The following IL4R variants were observed in gnomAD, a reference collection of about 807,000 sequenced individuals.
IL4R encodes interleukin-4 receptor subunit alpha.
IL4R carries 17 observed loss-of-function variants against 41.5 expected under a neutral mutation model. The ratio of observed to expected loss-of-function variants is 0.41; its 90% CI spans 0.28 to 0.61. The LOEUF (loss-of-function observed/expected upper bound fraction) is 0.61. Ranked by LOEUF, IL4R falls within the 20% of genes least tolerant of loss-of-function variation. The pLI is 0.31. For synonymous variants in IL4R, 402 were observed against 422.9 expected (o/e 0.95, Z 0.61); for missense variants, 974 against 1,043.1 (o/e 0.93, Z 0.91).
intron 1 of IL4R, among the ~76,000 whole-genome samples, chr16:27,327,463 G>A (rs1446504600): frequency 1.3e-5 from 2 of 152,120 alleles, no homozygotes; most frequent in Non-Finnish European, 1.5e-5. Flanking sequence ...TCCTGGTGGC[G>A]GGCGTGTTTT....
At position 27,337,925 on chromosome 16, in the gene IL4R, G is replaced by A. The variant is rs536757719; in HGVS notation, c.-18-2261G>A. Among the ~76,000 whole-genome samples, 18 of 150,550 alleles carry A rather than the reference G, an allele frequency of 1.2e-4. No homozygotes were observed. The East Asian group carries it at 1.4e-3, about 11-fold the overall frequency. On this transcript the variant is annotated intron_variant, in intron 2 of 10. Coordinates refer to ENST00000395762, the MANE Select transcript of IL4R (RefSeq NM_000418.4). ...TGGGGAAAAGTACACACTTGACTCC[G>A]TGAGATTCTGCTTCTTAGCATTTTT...
chr16:27,318,290 A>T (rs956353971), intron 1 of IL4R, among the ~76,000 whole-genome samples: 1 of 152,156 alleles, frequency 6.6e-6, no homozygotes, highest in African/African-American at 2.4e-5. Context: ...AGCCTGAGTC[A>T]TCCTGAATTC....
chr16:27,325,693 TA>T, intron 1 of IL4R, among the ~76,000 whole-genome samples: 1 of 152,190 alleles, frequency 6.6e-6, no homozygotes, highest in East Asian at 1.9e-4. Flanking sequence ...GTATACCTGT[TA>T]AAATAAGAAT....
In IL4R at chr16:27,364,678, G is replaced by A. The variant is rs898993527; in HGVS notation, c.*848G>A. The A allele has an allele frequency of 3.3e-5, 5 of 152,222 alleles. No individual in the cohort carries two copies. Among genetic ancestry groups the A allele is most frequent in the African/African-American group, 7.2e-5 (3 of 41,446 alleles). 9.4% of individuals were successfully genotyped at this position (152,222 alleles called of 1,614,324 possible). A position where few individuals can be genotyped will look rare whatever the true frequency, so the allele number is the denominator to read the frequency against. On this transcript the variant is annotated 3_prime_UTR_variant, in exon 11 of 11. Coordinates refer to ENST00000395762, the MANE Select transcript of IL4R (RefSeq NM_000418.4). Reference sequence around the variant, plus strand: ...GGGAACCTTGGGTTGAGTAATGCTCGTCTGTGTGTTTTAGTTTCATCACCT... The same window carrying A: ...GGGAACCTTGGGTTGAGTAATGCTCATCTGTGTGTTTTAGTTTCATCACCT...
At chr16:27,325,935 A>G (rs764953585) in intron 1 of IL4R, among the ~76,000 whole-genome samples, 1 of 152,162 alleles carries the variant, frequency 6.6e-6, no homozygotes, top group African/African-American at 2.4e-5. Flanking sequence ...GAAAAGGCCA[A>G]TGGCTGTGGA....
At chr16:27,344,798 T>C (rs949504759) in intron 4 of IL4R, 71 bp from the exon 5 acceptor site, 4 of 1,464,330 alleles carry the variant, frequency 2.7e-6, no homozygotes, top group South Asian at 1.2e-5. Flanking sequence ...CCTGGAGGCA[T>C]GTCCCGGACA....
intron 1 of IL4R, among the ~76,000 whole-genome samples, chr16:27,326,229 A>G (rs2084952468): frequency 6.6e-6 from 1 of 152,172 alleles, no homozygotes; most frequent in Non-Finnish European, 1.5e-5. Flanking sequence ...CGCTCTGGCA[A>G]CTTCTTCCTT....
rs1467311465 is a variant in IL4R, at chr16:27,362,774, C to T, written c.1422C>T (p.Ser474=). The T allele has an allele frequency of 6.2e-7, 1 of 1,614,088 alleles. No individual in the cohort carries two copies. Among genetic ancestry groups the T allele is most frequent in the East Asian group, 2.2e-5 (1 of 44,876 alleles). Residue 474 remains serine, a synonymous_variant, in exon 11 of 11, where the codon AGC becomes AGT. Transcript: ENST00000395762. The stretch of plus-strand genomic sequence containing the variant: ...ACCTGGAGCCAAGTCCTCCTGCCAG[C>T]CCGACCCAGAGTCCAGACAACCTGA... The part of the protein sequence containing the change: ...PLHLEPSPPA[S]PTQSPDNLTC...
intron 1 of IL4R, chr16:27,318,634 G>C (rs1040061294): frequency 6.6e-6 from 1 of 152,250 alleles, no homozygotes; most frequent in African/African-American, 2.4e-5. Flanking sequence ...TCTCTCTTTA[G>C]GTGCCCCCAC....
At chr16:27,338,428 A>G (rs750491598) in intron 2 of IL4R, among the ~76,000 whole-genome samples, 1 of 151,718 alleles carries the variant, frequency 6.6e-6, no homozygotes, top group Non-Finnish European at 1.5e-5. Context: ...TCTGTTGCCC[A>G]GGCTGGTCTT....
In IL4R at chr16:27,362,802, T is replaced by C. The variant is rs572185551; in HGVS notation, c.1450T>C (p.Cys484Arg). The C allele has an allele frequency of 1.2e-6, 2 of 1,614,064 alleles. No homozygotes were observed. The highest frequency in any genetic ancestry group is 2.7e-5 in the African/African-American group (2 of 75,026). The stretch of plus-strand genomic sequence containing the variant: ...GACCCAGAGTCCAGACAACCTGACT[T>C]GCACAGAGACGCCCCTCGTCATCGC... ...SPTQSPDNLT[C>R]TETPLVIAGN... The change falls in exon 11 of 11, where the codon TGC (cysteine) becomes CGC (arginine). Residue 484 changes from cysteine (C) to arginine (R), a missense_variant. By Grantham distance (180) the Cys-to-Arg change is radical (BLOSUM62 -3). Around this residue, in one of 3 missense-constraint regions of IL4R, gnomAD observed 682 missense variants for 704.3 expected, o/e 0.97. Coordinates refer to ENST00000395762, the MANE Select transcript of IL4R (RefSeq NM_000418.4).
At chr16:27,313,859 ATGCAAATC>A, upstream of IL4R, 1 of 930,274 alleles carries the variant, frequency 1.1e-6, no homozygotes, top group Non-Finnish European at 1.3e-6. Flanking sequence ...GGGGCGGCGC[ATGCAAATC>A]TGCCGGGCGC....
chr16:27,357,611 G>A (rs888633103), intron 8 of IL4R, among the ~76,000 whole-genome samples: 1 of 150,942 alleles, frequency 6.6e-6, no homozygotes, highest in African/African-American at 2.4e-5. Context: ...TTACAGGCGT[G>A]TGCCACGACA....
chr16:27,346,614 C>T lies in IL4R; in HGVS notation c.509C>T (p.Ala170Val). The change falls in exon 6 of 11, where the codon GCA (alanine) becomes GTA (valine). Residue 170 changes from alanine to valine, a missense_variant. Physicochemically the swap from Ala to Val is moderately conservative, Grantham distance 64. This residue lies in a region of IL4R where 284 missense variants were observed against 313.4 expected (regional missense o/e 0.91). Transcript: ENST00000395762. ...AACATTTGGAGTGAAAACGACCCGGCAGATGTGAGTGGGCATGCTTTGACG... is the reference window on the plus strand; with the variant it reads ...AACATTTGGAGTGAAAACGACCCGGTAGATGTGAGTGGGCATGCTTTGACG... ...AVNIWSENDP[A>V]DFRIYNVTYL... 1 of 1,613,984 alleles carries T rather than the reference C, an allele frequency of 6.2e-7. No individual in the cohort carries two copies. Among genetic ancestry groups the T allele is most frequent in the Non-Finnish European group, 8.5e-7 (1 of 1,179,984 alleles).
At chr16:27,332,990 T>G (rs1188026630) in intron 2 of IL4R, among the ~76,000 whole-genome samples, 1 of 152,112 alleles carries the variant, frequency 6.6e-6, no homozygotes. Flanking sequence ...TTCTTCCTGC[T>G]AGTGACTTCT....
Position 27,337,881 on chromosome 16 carries a change from C to T in IL4R, c.-18-2305C>T, listed in dbSNP as rs1047936467. 8.6e-5 allele frequency among the ~76,000 whole-genome samples: 13 copies of T among 151,562 alleles called. No individual in the cohort carries two copies. In the East Asian group the frequency reaches 1.8e-3, roughly 20 times the overall value. ...TACACACTTTTTGGAGGGTATTTGACGTTATGTACCAGGAGTGCTGGGGAA... is the reference window on the plus strand; with the variant it reads ...TACACACTTTTTGGAGGGTATTTGATGTTATGTACCAGGAGTGCTGGGGAA... On this transcript the variant is annotated intron_variant, in intron 2 of 10. Coordinates refer to ENST00000395762, the MANE Select transcript of IL4R (RefSeq NM_000418.4).
intron 1 of IL4R, 191 bp downstream of exon 1, chr16:27,314,211 AG>A (rs960058209): frequency 3.0e-5 from 22 of 736,120 alleles, no homozygotes; most frequent in Non-Finnish European, 1.0e-5. Flanking sequence ...GCCGAACGGC[AG>A]CGGAGGCGCG....
At chr16:27,348,609 G>A (rs1020448009) in intron 6 of IL4R, among the ~76,000 whole-genome samples, 1 of 152,162 alleles carries the variant, frequency 6.6e-6, no homozygotes, top group African/African-American at 2.4e-5. Context: ...AGTGGGAAAA[G>A]GGTTTTTTTT....
At chr16:27,325,573 CAA>C (rs113055103) in intron 1 of IL4R, among the ~76,000 whole-genome samples, 6 of 122,538 alleles carry the variant, frequency 4.9e-5, no homozygotes, top group African/African-American at 3.0e-5. Context: ...GACTCTGTCT[CAA>C]AAAAAAAAAA....
Sources: gnomAD v4.1 joint callset for allele counts (sites outside exome capture counted in the v4.1 genomes callset) on GRCh38, gnomAD v4.1.1 for gene constraint, gnomAD v4.1.1 regional missense constraint, MANE v1.5 for transcripts, NCBI Gene and HGNC (gene_info 2026-07-23, HGNC 2026-07-21) for gene names.